The following USP4 variants were observed in gnomAD, a reference collection of about 807,000 sequenced individuals.
USP4 encodes the protein ubiquitin carboxyl-terminal hydrolase 4.
USP4 carries 72 observed loss-of-function variants against 118.2 expected under a neutral mutation model. The observed-to-expected ratio is 0.61, with a 90% CI of 0.50 to 0.74. The LOEUF is 0.74. USP4 is among the 30% of genes least tolerant of loss of function. The probability of loss-of-function intolerance (pLI) is 0.00; values close to 1 mark genes in which losing one functional copy is unlikely to be tolerated. For missense variants in USP4, 1,037 were observed against 1,185.7 expected (o/e 0.87, Z 1.84); for synonymous variants, 415 against 440.4 (o/e 0.94, Z 0.72).
chr3:49,278,523 C>G lies in USP4; in HGVS notation c.2734-72G>C, dbSNP rs114079295. 1,206 of 1,541,716 alleles carry G rather than the reference C, an allele frequency of 7.8e-4. 9 individuals are homozygous for G. The African/African-American group carries it at 0.014, about 18-fold the overall frequency. ...CCCATTTTCCCCAGCTTTTCTCTAGCTGTCCAAAACCCTCAAGGATCTGCC... is the reference window on the plus strand; with the variant it reads ...CCCATTTTCCCCAGCTTTTCTCTAGGTGTCCAAAACCCTCAAGGATCTGCC... On this transcript the variant is annotated intron_variant, in intron 21 of 21. Transcript: ENST00000265560.
intron 8 of USP4, among the ~76,000 whole-genome samples, chr3:49,306,861 C>T (rs756468522): frequency 4.0e-5 from 6 of 151,816 alleles, no homozygotes; most frequent in Admixed American, 6.6e-5. Context: ...CTCAGCTCAC[C>T]GCAACCTCTA....
chr3:49,302,146 C>G (rs2047268372), intron 10 of USP4, among the ~76,000 whole-genome samples: 1 of 149,056 alleles, frequency 6.7e-6, no homozygotes, highest in Non-Finnish European at 1.5e-5. Context: ...AGCTCAGGAG[C>G]TGGAGACCAG....
rs771909965 is a variant in USP4, at chr3:49,340,019, C to T, written c.6G>A (p.Ala2=). ...GTCGCTCACGGCAGCCTCCACCTTCCGCCATCTCCTCCGCGGCCCCGGCCC... is the reference window on the plus strand; with the variant it reads ...GTCGCTCACGGCAGCCTCCACCTTCTGCCATCTCCTCCGCGGCCCCGGCCC... The part of the protein sequence containing the change: M[A]EGGGCRERPD... Residue 2 remains alanine, a synonymous_variant, in exon 1 of 22, where the codon GCG becomes GCA. Coordinates refer to ENST00000265560, the MANE Select transcript of USP4 (RefSeq NM_003363.4). The T allele has an allele frequency of 4.1e-5, 66 of 1,607,520 alleles. No individual in the cohort carries two copies. The highest frequency in any genetic ancestry group is 5.3e-5 in the Non-Finnish European group (63 of 1,179,688).
rs72492740 is a variant in USP4, at chr3:49,326,707, C to CTT, written c.361-864_361-863dup. Among the ~76,000 whole-genome samples, 112 of 138,268 alleles carry CTT rather than the reference C, an allele frequency of 8.1e-4. 1 individual carries two copies. Among genetic ancestry groups the CTT allele is most frequent in the South Asian group, 1.6e-3 (7 of 4,338 alleles). The allele number at this position is 138,268 out of a possible 152,430, so 90.7% of individuals were successfully genotyped here. A position where few individuals can be genotyped will look rare whatever the true frequency, so the allele number is the denominator to read the frequency against. On this transcript the variant is annotated intron_variant, in intron 3 of 21. Transcript: ENST00000265560. Reference sequence around the variant, plus strand: ...ACCATGCACGGCCTGATCAAAGACTCTTTTTTTTTTTTTGCAACCGAGTCT... The same window carrying CTT: ...ACCATGCACGGCCTGATCAAAGACTCTTTTTTTTTTTTTTTGCAACCGAGTCT...
intron 8 of USP4, among the ~76,000 whole-genome samples, chr3:49,309,487 G>C (rs970614634): frequency 6.6e-6 from 1 of 151,946 alleles, no homozygotes; most frequent in Admixed American, 6.6e-5. Flanking sequence ...CAAACTCCTG[G>C]CCTCAAGCAA....
intron 6 of USP4, 170 bp from the exon 7 acceptor site, chr3:49,311,824 C>CTT: frequency 7.6e-7 from 1 of 1,322,842 alleles, no homozygotes; most frequent in Non-Finnish European, 9.7e-7. Context: ...AAGTGAGAGT[C>CTT]CACAAATTAA....
intron 1 of USP4, among the ~76,000 whole-genome samples, chr3:49,337,049 C>T (rs988016975): frequency 2.0e-5 from 3 of 152,020 alleles, no homozygotes; most frequent in African/African-American, 7.2e-5. Context: ...CTTTGAGAGG[C>T]CGAGGTGGAT....
chr3:49,316,698 G>C (rs1213188943), intron 6 of USP4: 1 of 257,914 alleles, frequency 3.9e-6, no homozygotes, highest in Non-Finnish European at 7.4e-6. Context: ...AGGCCACAGG[G>C]GTGAGCCCTG....
chr3:49,325,669 T>A, intron 4 of USP4, 50 bp downstream of exon 4: 1 of 1,594,838 alleles, frequency 6.3e-7, no homozygotes, highest in Non-Finnish European at 8.6e-7. Context: ...TCAGCCACAA[T>A]GTCCTACACT....
At chr3:49,297,094 A>C (rs902172707) in intron 13 of USP4, among the ~76,000 whole-genome samples, 14 of 152,236 alleles carry the variant, frequency 9.2e-5, no homozygotes, top group African/African-American at 3.4e-4. Flanking sequence ...AGCCAAAAAC[A>C]AAAACCAAAA....
At chr3:49,322,851 C>T (rs533283100) in intron 6 of USP4, among the ~76,000 whole-genome samples, 2 of 149,494 alleles carry the variant, frequency 1.3e-5, no homozygotes, top group East Asian at 2.0e-4. Flanking sequence ...AGTAAGACTC[C>T]GTCACAGGGA....
intron 11 of USP4, 46 bp from the exon 12 acceptor site, chr3:49,298,681 G>A (rs551310631): frequency 1.3e-5 from 20 of 1,557,636 alleles, no homozygotes; most frequent in Non-Finnish European, 1.8e-5. Context: ...CCCACAAAGG[G>A]TGCGAAATGC....
intron 17 of USP4, 84 bp downstream of exon 17, chr3:49,284,764 CT>C (rs2107766586): frequency 2.9e-6 from 4 of 1,362,802 alleles, no homozygotes; most frequent in East Asian, 2.3e-5. Flanking sequence ...TGCTAAATTG[CT>C]GTCCAACTGG....
intron 7 of USP4, 28 bp from the exon 8 acceptor site, chr3:49,310,765 A>G: frequency 6.4e-7 from 1 of 1,565,468 alleles, no homozygotes; most frequent in Non-Finnish European, 8.8e-7. Flanking sequence ...CATCAGCAAT[A>G]AAAGCAAGTG....
In USP4 at chr3:49,292,583, C is replaced by A; in HGVS notation, c.1899G>T (p.Gln633His). ...VCDRISRYVK[Q>H]PLPDEFGSSP... is the part of the protein sequence containing the mutation. Reference sequence around the variant, plus strand: ...AGCTGCCAAACTCATCAGGTAAAGGCTGTTTCACATAGCGGCTTCAAAAAG... The same window carrying A: ...AGCTGCCAAACTCATCAGGTAAAGGATGTTTCACATAGCGGCTTCAAAAAG... Residue 633 changes from glutamine (Q) to histidine (H), a missense_variant, in exon 15 of 22, where the codon CAG (glutamine) becomes CAT (histidine). Physicochemically the swap from Gln to His is conservative, Grantham distance 24. This residue lies in a region of USP4 where 522 missense variants were observed against 592.6 expected (regional missense o/e 0.88). Coordinates refer to ENST00000265560, the MANE Select transcript of USP4 (RefSeq NM_003363.4). 1.3e-6 allele frequency: 2 copies of A among 1,594,234 alleles called. No individual in the cohort carries two copies. Among genetic ancestry groups the A allele is most frequent in the South Asian group, 1.1e-5 (1 of 87,722 alleles).
chr3:49,295,586 A>C (rs1216380352), intron 13 of USP4, among the ~76,000 whole-genome samples: 1 of 152,092 alleles, frequency 6.6e-6, no homozygotes, highest in Non-Finnish European at 1.5e-5. Context: ...TAGATGTTTT[A>C]TCCTGGAACA....
chr3:49,326,135 G>C (rs1463708448), intron 3 of USP4, among the ~76,000 whole-genome samples: 1 of 152,032 alleles, frequency 6.6e-6, no homozygotes, highest in Non-Finnish European at 1.5e-5. Context: ...TGACCAACAT[G>C]GTGAAACCCC....
rs1210452706 is a variant in USP4 at position 49,277,290 on chromosome 3, G to C, written c.*1003C>G. 4.8e-6 allele frequency: 6 copies of C among 1,245,682 alleles called. No homozygotes were observed. The highest frequency in any genetic ancestry group is 1.1e-6 in the Non-Finnish European group (1 of 950,778). The allele number at this position is 1,245,682 out of a possible 1,614,324, so 77.2% of individuals were successfully genotyped here. A position where few individuals can be genotyped will look rare whatever the true frequency, so the allele number is the denominator to read the frequency against. ...GGTTGAAGGTCAGACAAAAAATCCC[G>C]GACCCATACGTCCGGTTCCTTAAGG... is the stretch of plus-strand genomic sequence containing the variant. On this transcript the variant is annotated 3_prime_UTR_variant, in exon 22 of 22. Transcript: ENST00000265560.
intron 10 of USP4, among the ~76,000 whole-genome samples, chr3:49,301,971 C>A (rs1262365964): frequency 1.3e-5 from 2 of 151,992 alleles, no homozygotes; most frequent in Non-Finnish European, 2.9e-5. Flanking sequence ...AGGTACTTTA[C>A]AGTTTTCAGA....
Sources: allele counts gnomAD v4.1 joint callset (sites outside exome capture counted in the v4.1 genomes callset), GRCh38; gene constraint gnomAD v4.1.1; regional missense constraint gnomAD v4.1.1; transcripts MANE v1.5; gene names NCBI Gene and HGNC (gene_info 2026-07-23, HGNC 2026-07-21).